Variants in BRD1 observed in about 807,000 individuals in gnomAD.
The protein encoded by BRD1 is bromodomain-containing protein 1.
BRD1 carries 24 observed loss-of-function variants against 107.7 expected under a neutral mutation model. That is an observed-to-expected ratio of 0.22 (90% confidence interval 0.16 to 0.31). The LOEUF (loss-of-function observed/expected upper bound fraction) is 0.31. Among genes scored for constraint, BRD1 ranks in the 10% least tolerant of loss-of-function variants. The probability of loss-of-function intolerance (pLI) is 1.00; values close to 1 mark genes in which losing one functional copy is unlikely to be tolerated. For missense variants in BRD1, 1,279 were observed against 1,638.6 expected (o/e 0.78, Z 3.79); for synonymous variants, 744 against 686.1 (o/e 1.08, Z -1.32).
At chr22:49,827,244 T>A (rs896267659) in intron 1 of BRD1, among the ~76,000 whole-genome samples, 108 of 146,660 alleles carry the variant, frequency 7.4e-4, no homozygotes, top group Non-Finnish European at 2.9e-4. Flanking sequence ...CTACCCGGTC[T>A]CCCCGCCCGG....
intron 2 of BRD1, chr22:49,818,127 C>A: frequency 1.3e-6 from 1 of 746,738 alleles, no homozygotes; most frequent in Non-Finnish European, 1.7e-6. Context: ...TAAAATGACA[C>A]CAGTGAAGGC....
At chr22:49,800,587 C>T (rs763977720) in intron 3 of BRD1, among the ~76,000 whole-genome samples, 5 of 152,304 alleles carry the variant, frequency 3.3e-5, no homozygotes, top group South Asian at 2.1e-4. Flanking sequence ...CCCTTTATCA[C>T]GCACTGGCTG....
In BRD1 at chr22:49,803,709, C is replaced by T. The variant is rs575981562; in HGVS notation, c.1524+495G>A. 1.3e-5 allele frequency among the ~76,000 whole-genome samples: 2 copies of T among 152,300 alleles called. No individual in the cohort carries two copies. Among genetic ancestry groups the T allele is most frequent in the South Asian group, 4.1e-4 (2 of 4,824 alleles). On this transcript the variant is annotated intron_variant, in intron 3 of 12. Coordinates refer to ENST00000404760, the MANE Select transcript of BRD1 (RefSeq NM_001304808.3). The surrounding 1 kb of genome is among the most constrained non-coding windows in gnomAD (Gnocchi z 4.4). ...CGAGCCCTCCCCACCCCACCACAGT[C>T]CCAGCTAAACCAACCTTCAGAGCAA... is the stretch of plus-strand genomic sequence containing the variant.
In BRD1 at chr22:49,809,941, T is replaced by C. The variant is rs115142919; in HGVS notation, c.1368-5581A>G. On this transcript the variant is annotated intron_variant, in intron 2 of 12. Coordinates refer to ENST00000404760, the MANE Select transcript of BRD1 (RefSeq NM_001304808.3). ...TGACCCAACAAGCTCATAGAGAATA[T>C]TGCATCAAAGAAAGAAAGAACACAC... Among the ~76,000 whole-genome samples, 678 of 152,206 alleles carry C rather than the reference T, an allele frequency of 4.5e-3. 5 individuals carry two copies. The highest frequency in any genetic ancestry group is 0.015 in the African/African-American group (624 of 41,522).
rs1569077712 is a variant in BRD1, at chr22:49,774,379, T to C, written c.3424A>G (p.Ile1142Val). ...TTTAACTTGTCTATAGTTTCGTCAA[T>C]ACCAAGGGGAACCATTTTGGACTTA... ...LPKSKMVPLG[I>V]DETIDKLKMM... The change falls in exon 13 of 13, where the codon ATT becomes GTT. Residue 1142 changes from isoleucine to valine, a missense_variant. Physicochemically the swap from Ile to Val is conservative, Grantham distance 29 (BLOSUM62 3). This residue lies in a region of BRD1 where 136 missense variants were observed against 196.8 expected (regional missense o/e 0.69). Coordinates refer to ENST00000404760, the MANE Select transcript of BRD1 (RefSeq NM_001304808.3). 5.0e-6 allele frequency: 8 copies of C among 1,612,452 alleles called. No individual in the cohort carries two copies. In the East Asian group the frequency reaches 1.6e-4, roughly 31 times the overall value.
At position 49,775,577 on chromosome 22, in the gene BRD1, G is replaced by A. The variant is rs1427953810; in HGVS notation, c.3386+14C>T. On this transcript the variant is annotated intron_variant, in intron 12 of 12. Coordinates refer to ENST00000404760, the MANE Select transcript of BRD1 (RefSeq NM_001304808.3). ...CCCCAGCCGGTCCCCGGAGTCTAAG[G>A]CCTCTCAACTCACCAACTTCTCTTA... 1 of 1,578,262 alleles carries A rather than the reference G, an allele frequency of 6.3e-7. No individual in the cohort carries two copies. The highest frequency in any genetic ancestry group is 8.6e-7 in the Non-Finnish European group (1 of 1,161,482).
chr22:49,826,187 G>C (rs778945288), intron 1 of BRD1: 2 of 985,312 alleles, frequency 2.0e-6, no homozygotes, highest in Non-Finnish European at 1.2e-6. Context: ...CCCCTCGACA[G>C]CAAAGTCCTG....
chr22:49,819,716 T>C (rs2060027296), intron 2 of BRD1, among the ~76,000 whole-genome samples: 1 of 151,580 alleles, frequency 6.6e-6, no homozygotes, highest in African/African-American at 2.4e-5. Context: ...CCCAAAGTGC[T>C]GGCATTACAG....
At chr22:49,784,265 G>C (rs377451410) in intron 8 of BRD1, among the ~76,000 whole-genome samples, 25 of 145,718 alleles carry the variant, frequency 1.7e-4, no homozygotes, top group African/African-American at 5.6e-4. Flanking sequence ...CACGTGCACA[G>C]GGAGACTCGC....
chr22:49,777,259 G>T, intron 9 of BRD1, 98 bp from the exon 10 acceptor site: 1 of 1,550,194 alleles, frequency 6.5e-7, no homozygotes, highest in Non-Finnish European at 8.7e-7. Flanking sequence ...AGCTGGCCAC[G>T]CATCCTGCCT....
intron 11 of BRD1, 73 bp from the exon 12 acceptor site, chr22:49,775,818 C>CCCCA: frequency 7.8e-7 from 1 of 1,281,234 alleles, no homozygotes. Context: ...CACTGGCACC[C>CCCCA]CCCCCCGCCT....
Position 49,792,260 on chromosome 22 carries a change from T to C in BRD1, c.2359+1774A>G, listed in dbSNP as rs1259249680. 3.3e-5 allele frequency among the ~76,000 whole-genome samples: 5 copies of C among 152,104 alleles called. No homozygotes were observed. The highest frequency in any genetic ancestry group is 2.6e-4 in the Admixed American group (4 of 15,262). The stretch of plus-strand genomic sequence containing the variant: ...GTGCGAAGAGAAGCGCTGGAAGCTA[T>C]TTTGAGAATGGTGAGTGGACCTGCT... On this transcript the variant is annotated intron_variant, in intron 7 of 12. Transcript: ENST00000404760. The surrounding 1 kb of genome is among the most constrained non-coding windows in gnomAD (Gnocchi z 4.2).
intron 2 of BRD1, among the ~76,000 whole-genome samples, chr22:49,820,638 C>A (rs1376334334): frequency 6.7e-6 from 1 of 149,914 alleles, no homozygotes; most frequent in East Asian, 2.0e-4. Context: ...AAGCTTCACC[C>A]TCATCTACAC....
At chr22:49,777,578 A>G (rs1292849098) in intron 9 of BRD1, 100 bp downstream of exon 9, 7 of 1,493,692 alleles carry the variant, frequency 4.7e-6, no homozygotes, top group Non-Finnish European at 6.3e-6. Context: ...TTCAGAGAAC[A>G]CTAAGATGGG....
At chr22:49,779,445 C>T (rs2059162013) in intron 8 of BRD1, among the ~76,000 whole-genome samples, 1 of 152,184 alleles carries the variant, frequency 6.6e-6, no homozygotes, top group South Asian at 2.1e-4. Flanking sequence ...TCCACAGACT[C>T]AAGTCAGACA....
chr22:49,800,970 G>A (rs984719400), intron 3 of BRD1, among the ~76,000 whole-genome samples: 1 of 152,216 alleles, frequency 6.6e-6, no homozygotes, highest in African/African-American at 2.4e-5. Context: ...GGCCCACAGT[G>A]TTACAGAGTG....
At chr22:49,817,283 CTGGGGGTGCATGA>C (rs1195883836) in intron 2 of BRD1, 3 of 186,372 alleles carry the variant, frequency 1.6e-5, no homozygotes, top group African/African-American at 2.4e-5. Flanking sequence ...AAGGATGGCA[CTGGGGGTGCATGA>C]CTGTTCATGA....
chr22:49,785,722 A>C (rs1220655429), intron 8 of BRD1, among the ~76,000 whole-genome samples: 1 of 152,272 alleles, frequency 6.6e-6, no homozygotes. Context: ...CATCAAAGTA[A>C]AAGGACATGG....
At chr22:49,818,811 G>A (rs889856307) in intron 2 of BRD1, among the ~76,000 whole-genome samples, 6 of 152,072 alleles carry the variant, frequency 3.9e-5, no homozygotes, top group Admixed American at 1.3e-4. Flanking sequence ...GCGTGAACCC[G>A]GGAGGTGGAG....
Sources: allele counts gnomAD v4.1 joint callset (sites outside exome capture counted in the v4.1 genomes callset), GRCh38; gene constraint gnomAD v4.1.1; regional missense constraint gnomAD v4.1.1; non-coding constraint Gnocchi (gnomAD v3.1); transcripts MANE v1.5; gene names NCBI Gene and HGNC (gene_info 2026-07-23, HGNC 2026-07-21).